Variants in CBLIF observed in about 807,000 individuals in gnomAD.
CBLIF encodes cobalamin binding intrinsic factor.
In CBLIF, 24 loss-of-function variants were observed where a neutral mutation model predicts 44.9. The observed-to-expected ratio is 0.53, with a 90% CI of 0.39 to 0.75. CBLIF has a LOEUF of 0.75. Among genes scored for constraint, CBLIF ranks in the 30% least tolerant of loss-of-function variants. CBLIF has a pLI of 0.00. For synonymous variants in CBLIF, 183 were observed against 190.9 expected (o/e 0.96, Z 0.34); for missense variants, 481 against 513.0 (o/e 0.94, Z 0.60).
intron 7 of CBLIF, among the ~76,000 whole-genome samples, chr11:59,832,625 C>A (rs1422006559): frequency 6.6e-6 from 1 of 151,500 alleles, no homozygotes; most frequent in Non-Finnish European, 1.5e-5. Context: ...CCGTCTCTAA[C>A]AAAAATACAA....
intron 4 of CBLIF, 75 bp from the exon 5 acceptor site, chr11:59,841,399 C>T: frequency 9.9e-7 from 1 of 1,013,334 alleles, no homozygotes; most frequent in Non-Finnish European, 1.5e-6. Flanking sequence ...TTATTGTGTG[C>T]TTATTATATT....
At chr11:59,833,792 C>T (rs1464818862) in intron 7 of CBLIF, among the ~76,000 whole-genome samples, 1 of 152,106 alleles carries the variant, frequency 6.6e-6, no homozygotes, top group African/African-American at 2.4e-5. Flanking sequence ...ATTTTTCCTC[C>T]TCTCCTCCTA....
chr11:59,829,861 A>G (rs1866346289), intron 8 of CBLIF, among the ~76,000 whole-genome samples: 2 of 152,244 alleles, frequency 1.3e-5, no homozygotes. Context: ...TTTCAAAATT[A>G]GGAATAATGA....
chr11:59,839,011 G>T (rs1866489622), intron 5 of CBLIF, among the ~76,000 whole-genome samples: 1 of 151,908 alleles, frequency 6.6e-6, no homozygotes, highest in South Asian at 2.1e-4. Flanking sequence ...AGCACACCAG[G>T]CTAATTTTTG....
chr11:59,840,603 G>A (rs1866511641), intron 5 of CBLIF, among the ~76,000 whole-genome samples: 1 of 152,176 alleles, frequency 6.6e-6, no homozygotes, highest in African/African-American at 2.4e-5. Flanking sequence ...GGACTTGGCT[G>A]ACAGATAGAT....
intron 5 of CBLIF, among the ~76,000 whole-genome samples, chr11:59,839,632 A>G (rs955274385): frequency 6.6e-6 from 1 of 152,194 alleles, no homozygotes; most frequent in African/African-American, 2.4e-5. Flanking sequence ...CAGGATGCCT[A>G]AATAAGTTCC....
At position 59,843,306 on chromosome 11, in the gene CBLIF, G is replaced by A. The variant is rs532753155; in HGVS notation, c.257-165C>T. Among the ~76,000 whole-genome samples the A allele has an allele frequency of 1.1e-4, 17 of 152,210 alleles. 1 individual carries two copies. In the South Asian group the frequency reaches 1.5e-3, roughly 13 times the overall value. On this transcript the variant is annotated intron_variant, in intron 2 of 8. Transcript: ENST00000257248. ...CAAAGAAAAAAATATGGAAGAATAC[G>A]TAAGGGAATATTTAATCTAGTGGCC...
chr11:59,845,284 T>C lies in CBLIF; in HGVS notation c.79+91A>G, dbSNP rs767713724. The C allele has an allele frequency of 6.9e-6, 11 of 1,590,346 alleles. No homozygotes were observed. In the South Asian group the frequency reaches 7.8e-5, roughly 11 times the overall value. On this transcript the variant is annotated intron_variant, in intron 1 of 8. Transcript: ENST00000257248. Reference sequence around the variant, plus strand: ...ACCCATTTTGGAATTCCTATAGTGATTGCTATTTTCAACCACTCAGTGTCA... The same window carrying C: ...ACCCATTTTGGAATTCCTATAGTGACTGCTATTTTCAACCACTCAGTGTCA...
rs555106825 is a variant in CBLIF at position 59,830,488 on chromosome 11, T to C, written c.1193-943A>G. Among the ~76,000 whole-genome samples the C allele has an allele frequency of 1.4e-4, 22 of 152,114 alleles. No homozygotes were observed. The South Asian group carries it at 2.7e-3, about 19-fold the overall frequency. ...TCCTGACCTCCTGATCCGTCCGCCT[T>C]GGCCTCCCAAAGTGAATTACTTTCT... On this transcript the variant is annotated intron_variant, in intron 8 of 8. Coordinates refer to ENST00000257248, the MANE Select transcript of CBLIF (RefSeq NM_005142.3).
intron 4 of CBLIF, among the ~76,000 whole-genome samples, chr11:59,841,672 C>A (rs1866530966): frequency 6.6e-6 from 1 of 152,136 alleles, no homozygotes; most frequent in Non-Finnish European, 1.5e-5. Context: ...CTGTTCTTAA[C>A]CCCCAGGGAG....
intron 5 of CBLIF, chr11:59,840,856 A>G: frequency 3.2e-6 from 1 of 308,724 alleles, no homozygotes; most frequent in Non-Finnish European, 6.2e-6. Context: ...ATCATTATTA[A>G]TAATAAATTA....
chr11:59,840,902 C>A, intron 5 of CBLIF: 2 of 428,968 alleles, frequency 4.7e-6, no homozygotes, highest in Non-Finnish European at 4.2e-6. Context: ...ATTTTTTTTC[C>A]CAAGAAAGAG....
At chr11:59,833,106 C>T (rs367897298) in intron 7 of CBLIF, among the ~76,000 whole-genome samples, 8 of 151,932 alleles carry the variant, frequency 5.3e-5, no homozygotes, top group African/African-American at 1.7e-4. Context: ...TTGCTTTTTC[C>T]CTCAAAATTT....
rs1384292795 is a variant in CBLIF, at chr11:59,839,221, A to T, written c.694-1870T>A. Among the ~76,000 whole-genome samples, 4 of 152,190 alleles carry T rather than the reference A, an allele frequency of 2.6e-5. No individual in the cohort carries two copies. The East Asian group carries it at 7.7e-4, about 29-fold the overall frequency. ...GCAATAGGATATTCATGGAAGAAAG[A>T]TGAGAAGTTCTGGAACAGAGGAAAT... On this transcript the variant is annotated intron_variant, in intron 5 of 8. Transcript: ENST00000257248.
At chr11:59,844,101 T>G (rs1357756953) in intron 1 of CBLIF, 46 bp from the exon 2 acceptor site, 2 of 1,418,536 alleles carry the variant, frequency 1.4e-6, no homozygotes, top group Non-Finnish European at 2.0e-6. Context: ...CCTCATTCCT[T>G]CTCAAAAACA....
At chr11:59,835,505 A>G (rs1005683870) in intron 7 of CBLIF, among the ~76,000 whole-genome samples, 1 of 152,138 alleles carries the variant, frequency 6.6e-6, no homozygotes, top group Admixed American at 6.5e-5. Context: ...CTCTTCCCAC[A>G]TCTTCCTAAA....
chr11:59,829,791 G>A (rs1190002278), intron 8 of CBLIF, among the ~76,000 whole-genome samples: 4 of 152,294 alleles, frequency 2.6e-5, no homozygotes, highest in Middle Eastern at 3.4e-3. Context: ...TTTAAGATGC[G>A]CGAGTCTCTT....
At chr11:59,836,314 AC>A (rs1477074042) in intron 6 of CBLIF, among the ~76,000 whole-genome samples, 1 of 151,992 alleles carries the variant, frequency 6.6e-6, no homozygotes, top group Non-Finnish European at 1.5e-5. Flanking sequence ...TAGACGAGAA[AC>A]TTATTAATTG....
chr11:59,836,081 T>C (rs184582130), intron 6 of CBLIF, 72 bp from the exon 7 acceptor site: 40 of 1,149,084 alleles, frequency 3.5e-5, no homozygotes, highest in Admixed American at 1.3e-4. Context: ...ATCTCTGTTA[T>C]TGGCAACTTA....
Sources: gnomAD v4.1 joint callset for allele counts (sites outside exome capture counted in the v4.1 genomes callset) on GRCh38, gnomAD v4.1.1 for gene constraint, MANE v1.5 for transcripts, NCBI Gene and HGNC (gene_info 2026-07-23, HGNC 2026-07-21) for gene names.